The following GLB1L3 variants were observed in gnomAD, a reference collection of about 807,000 sequenced individuals.
GLB1L3 encodes the protein beta-galactosidase-1-like protein 3.
Under a neutral mutation model 89.5 loss-of-function variants are expected in GLB1L3, and 89 were observed. The observed-to-expected ratio is 0.99, with a 90% confidence interval of 0.84 to 1.19. GLB1L3 has a LOEUF of 1.19. Ranked by LOEUF, GLB1L3 falls within the 50% of genes most tolerant of loss-of-function variation. GLB1L3 has a pLI of 0.00. For missense variants in GLB1L3, 812 were observed against 813.3 expected, an observed-to-expected ratio of 1.00 and a Z score of 0.02; for synonymous variants, 314 against 312.3, an observed-to-expected ratio of 1.01 and a Z score of -0.06.
chr11:134,308,488 A>G (rs1565414000), intron 10 of GLB1L3, among the ~76,000 whole-genome samples: 6 of 6,344 alleles, frequency 9.5e-4, no homozygotes, highest in South Asian at 3.4e-3. Flanking sequence ...CACCACCACC[A>G]TCACCACCAA....
At chr11:134,280,218 A>T (rs1481885466) in intron 3 of GLB1L3, among the ~76,000 whole-genome samples, 1 of 151,786 alleles carries the variant, frequency 6.6e-6, no homozygotes, top group Non-Finnish European at 1.5e-5. Context: ...TGTGATTTTT[A>T]AATTTGTTTG....
intron 17 of GLB1L3, 63 bp downstream of exon 17, chr11:134,314,091 C>T: frequency 2.7e-6 from 3 of 1,120,318 alleles, no homozygotes; most frequent in Non-Finnish European, 4.0e-6. Context: ...ATTTCAGATT[C>T]CTCATTGCAG....
chr11:134,285,687 T>G (rs1230169507), intron 6 of GLB1L3, among the ~76,000 whole-genome samples: 2 of 152,034 alleles, frequency 1.3e-5, no homozygotes, highest in African/African-American at 4.8e-5. Flanking sequence ...GAAGCTAAGG[T>G]GGGAGGATGG....
Position 134,276,751 on chromosome 11 carries a change from CG to C in GLB1L3, c.12del (p.Leu6SerfsTer51). ...CTCGGCCTGGCCGCGATGAAGTCCC[CG>C]CCCCTCCTCAGGTGACGGATCGCCG... is the stretch of plus-strand genomic sequence containing the variant. The part of the protein sequence containing the change: MKS[P>X]PLLSPCLSWK... On this transcript the variant is annotated frameshift_variant, in exon 1 of 20. Coordinates refer to ENST00000431683, the MANE Select transcript of GLB1L3 (RefSeq NM_001080407.3). LOFTEE classifies it high-confidence loss of function. 6.9e-7 allele frequency: 1 copy of C among 1,449,790 alleles called. No individual in the cohort carries two copies. Among genetic ancestry groups the C allele is most frequent in the Non-Finnish European group, 9.1e-7 (1 of 1,102,924 alleles). 89.8% of individuals were successfully genotyped at this position (1,449,790 alleles called of 1,614,324 possible). A position where few individuals can be genotyped will look rare whatever the true frequency, so the allele number is the denominator to read the frequency against.
chr11:134,308,259 C>CAT (rs1565412749), intron 10 of GLB1L3, among the ~76,000 whole-genome samples: 19 of 31,450 alleles, frequency 6.0e-4, no homozygotes, highest in Non-Finnish European at 8.1e-4. Context: ...ACCATCACCA[C>CAT]CACCACCACC....
chr11:134,296,517 AAAT>A (rs1487021958), intron 9 of GLB1L3, among the ~76,000 whole-genome samples: 1 of 141,272 alleles, frequency 7.1e-6, no homozygotes, highest in Non-Finnish European at 1.5e-5. Context: ...CAGCCATAAA[AAAT>A]GATGAGTTCA....
At chr11:134,324,164 T>G (rs1565428555), downstream of GLB1L3, among the ~76,000 whole-genome samples, 1 of 152,216 alleles carries the variant, frequency 6.6e-6, no homozygotes, top group Non-Finnish European at 1.5e-5. Context: ...AGAAGAATTG[T>G]TAAAGTTTTC....
At chr11:134,295,925 T>A (rs1363717593) in intron 9 of GLB1L3, among the ~76,000 whole-genome samples, 2 of 152,232 alleles carry the variant, frequency 1.3e-5, no homozygotes, top group Non-Finnish European at 2.9e-5. Context: ...ATTTTCCAGC[T>A]AGTATTCTGT....
intron 9 of GLB1L3, among the ~76,000 whole-genome samples, chr11:134,293,443 G>A (rs1406475273): frequency 3.3e-5 from 5 of 152,100 alleles, no homozygotes; most frequent in South Asian, 4.2e-4. Flanking sequence ...TGGGAAGGGC[G>A]AGGGGTGGTG....
intron 9 of GLB1L3, among the ~76,000 whole-genome samples, chr11:134,306,785 A>G (rs564393136): frequency 6.6e-6 from 1 of 152,392 alleles, no homozygotes; most frequent in East Asian, 1.9e-4. Flanking sequence ...CTGAGTTTCT[A>G]CATAAGGAAT....
At chr11:134,298,570 T>G (rs946609095) in intron 9 of GLB1L3, among the ~76,000 whole-genome samples, 1 of 152,182 alleles carries the variant, frequency 6.6e-6, no homozygotes, top group African/African-American at 2.4e-5. Context: ...AATTGAATCA[T>G]AAGGGCCAGT....
At chr11:134,312,092 C>A in intron 13 of GLB1L3, 1 of 415,816 alleles carries the variant, frequency 2.4e-6, no homozygotes, top group Non-Finnish European at 4.3e-6. Context: ...CCCCTGCGCC[C>A]CATCCATTTC....
intron 6 of GLB1L3, 64 bp downstream of exon 6, chr11:134,283,909 T>C: frequency 2.1e-6 from 2 of 961,560 alleles, no homozygotes; most frequent in Non-Finnish European, 3.3e-6. Flanking sequence ...TTGTTCTGGC[T>C]TGATCACTGA....
intron 7 of GLB1L3, among the ~76,000 whole-genome samples, chr11:134,289,238 A>G (rs1941200320): frequency 6.6e-6 from 1 of 152,150 alleles, no homozygotes; most frequent in Non-Finnish European, 1.5e-5. Context: ...AGGAACAGAA[A>G]ATGTATTGAC....
At chr11:134,310,504 C>A in intron 11 of GLB1L3, 67 bp from the exon 12 acceptor site, 1 of 1,243,668 alleles carries the variant, frequency 8.0e-7, no homozygotes, top group Non-Finnish European at 1.2e-6. Context: ...CATCTCCTGC[C>A]AGCGGTGCTG....
intron 10 of GLB1L3, among the ~76,000 whole-genome samples, chr11:134,308,643 T>TCACCACCATCACCATCACCACCAC (rs1942549786): frequency 1.1e-5 from 1 of 94,678 alleles, no homozygotes; most frequent in Non-Finnish European, 2.3e-5. Flanking sequence ...ATCAACACCA[T>TCACCACCATCACCATCACCACCAC]CACCACCATC....
chr11:134,310,647 C>T lies in GLB1L3; in HGVS notation c.1176C>T (p.Val392=), dbSNP rs375107914. The change falls in exon 12 of 20, where the codon GTC becomes GTT. Residue 392 remains valine, a synonymous_variant. Coordinates refer to ENST00000431683, the MANE Select transcript of GLB1L3 (RefSeq NM_001080407.3). ...YLKLQKLFQS[V]SATPLPRVPK... is the part of the protein sequence containing the mutation. The stretch of plus-strand genomic sequence containing the variant: ...AGCTTCAAAAACTCTTTCAATCTGT[C>T]TCAGGTACTCAGCACCCATTTAACT... 2 of 1,610,464 alleles carry T rather than the reference C, an allele frequency of 1.2e-6. No individual in the cohort carries two copies. The highest frequency in any genetic ancestry group is 2.7e-5 in the African/African-American group (2 of 74,846).
downstream of GLB1L3, among the ~76,000 whole-genome samples, chr11:134,324,186 A>G (rs77685636): frequency 1.3e-4 from 20 of 152,338 alleles, no homozygotes; most frequent in East Asian, 3.9e-3. Flanking sequence ...TTAATCTACC[A>G]TACCAAACTT....
At position 134,282,008 on chromosome 11, in the gene GLB1L3, G is replaced by A. The variant is rs374495514; in HGVS notation, c.432-17G>A. 1.1e-4 allele frequency: 169 copies of A among 1,551,806 alleles called. 1 individual carries two copies. In the African/African-American group the frequency reaches 1.7e-3, roughly 16 times the overall value. ...CTGGGCCGTCGTGGGAGGGGCTGAC[G>A]ATGTGGACCTCCCTAGGGCCTTCGT... On this transcript the variant is annotated splice_polypyrimidine_tract_variant and intron_variant, in intron 4 of 19. Transcript: ENST00000431683.
Sources: gnomAD v4.1 joint callset for allele counts (sites outside exome capture counted in the v4.1 genomes callset) on GRCh38, gnomAD v4.1.1 for gene constraint, MANE v1.5 for transcripts, NCBI Gene and HGNC (gene_info 2026-07-23, HGNC 2026-07-21) for gene names.